Variants in GALNT13 observed in about 807,000 individuals in gnomAD.
The protein encoded by GALNT13 is UDP-GalNAc:polypeptide N-acetylgalactosaminyltransferase 13.
In GALNT13, 28 loss-of-function variants were observed where a neutral mutation model predicts 64.2. The ratio of observed to expected loss-of-function variants is 0.44; its 90% CI spans 0.32 to 0.60. The LOEUF is 0.60. GALNT13 is among the 20% of genes least tolerant of loss of function. GALNT13 has a pLI of 0.05. For missense variants in GALNT13, 577 were observed against 669.8 expected, an observed-to-expected ratio of 0.86 and a Z score of 1.53; for synonymous variants, 214 against 224.6, an observed-to-expected ratio of 0.95 and a Z score of 0.42.
At chr2:153,502,480 A>T in the GALNT13 span, among the ~76,000 whole-genome samples, 3 of 151,752 alleles carry the variant, frequency 2.0e-5, no homozygotes, top group Non-Finnish European at 4.4e-5. Flanking sequence ...TTCTTTATCC[A>T]CTCATTGATT....
chr2:153,614,857 A>G, the GALNT13 span, among the ~76,000 whole-genome samples: 1 of 152,082 alleles, frequency 6.6e-6, no homozygotes, highest in Non-Finnish European at 1.5e-5. Context: ...CCATCCCCTC[A>G]AGCACTTATC....
chr2:153,687,268 G>A, the GALNT13 span, among the ~76,000 whole-genome samples: 1 of 151,842 alleles, frequency 6.6e-6, no homozygotes, highest in South Asian at 2.1e-4. Flanking sequence ...AATCCATCTG[G>A]CCCTGGGCTT....
intron 9 of GALNT13, among the ~76,000 whole-genome samples, chr2:154,311,425 G>A (rs1474750470): frequency 6.6e-6 from 1 of 152,086 alleles, no homozygotes. Context: ...AAACCAGCAA[G>A]TTTTTATTAG....
At chr2:153,142,111 C>T in the GALNT13 span, among the ~76,000 whole-genome samples, 4 of 152,040 alleles carry the variant, frequency 2.6e-5, no homozygotes, top group Admixed American at 6.6e-5. Context: ...CCTAAACTAT[C>T]GGTCTTTATG....
At chr2:153,854,698 A>T in the GALNT13 span, among the ~76,000 whole-genome samples, 11 of 152,286 alleles carry the variant, frequency 7.2e-5, no homozygotes, top group East Asian at 1.4e-3. Flanking sequence ...AACATATACT[A>T]TGTTATGTTA....
chr2:154,082,887 T>C (rs1251533831), intron 3 of GALNT13, among the ~76,000 whole-genome samples: 2 of 152,062 alleles, frequency 1.3e-5, no homozygotes, highest in Non-Finnish European at 2.9e-5. Flanking sequence ...TGATAGTTTC[T>C]TTTGCTGTGC....
chr2:153,579,593 C>T, the GALNT13 span, among the ~76,000 whole-genome samples: 2 of 152,096 alleles, frequency 1.3e-5, no homozygotes, highest in Admixed American at 6.6e-5. Context: ...GAGAAAATAG[C>T]ATGAATGTTT....
At chr2:153,951,318 T>C (rs1202792330) in intron 3 of GALNT13, among the ~76,000 whole-genome samples, 1 of 152,136 alleles carries the variant, frequency 6.6e-6, no homozygotes, top group East Asian at 1.9e-4. Context: ...ATAAGAGTTG[T>C]GTCACAGAAA....
the GALNT13 span, among the ~76,000 whole-genome samples, chr2:153,625,893 T>C: frequency 3.3e-5 from 5 of 152,026 alleles, no homozygotes; most frequent in Non-Finnish European, 5.9e-5. Flanking sequence ...AAGTGAGAAA[T>C]GTTATTGTTC....
intron 11 of GALNT13, among the ~76,000 whole-genome samples, chr2:154,421,774 A>C (rs1700264579): frequency 1.3e-5 from 2 of 152,108 alleles, no homozygotes; most frequent in African/African-American, 4.8e-5. Flanking sequence ...CATCATATAT[A>C]ATTATACATG....
At chr2:153,499,809 T>C in the GALNT13 span, among the ~76,000 whole-genome samples, 1 of 152,190 alleles carries the variant, frequency 6.6e-6, no homozygotes, top group Non-Finnish European at 1.5e-5. Flanking sequence ...GGCCAGGCAG[T>C]GGGAGCAGGC....
chr2:153,392,155 T>A, the GALNT13 span, among the ~76,000 whole-genome samples: 1 of 150,014 alleles, frequency 6.7e-6, no homozygotes, highest in African/African-American at 2.4e-5. Context: ...ACATTTTATA[T>A]TTTACCATAA....
the GALNT13 span, among the ~76,000 whole-genome samples, chr2:153,283,588 G>C: frequency 6.6e-6 from 1 of 152,102 alleles, no homozygotes; most frequent in African/African-American, 2.4e-5. Context: ...GCTAGGGCAT[G>C]GAGTGGAGAG....
At chr2:153,127,146 G>C in the GALNT13 span, among the ~76,000 whole-genome samples, 1 of 146,444 alleles carries the variant, frequency 6.8e-6, no homozygotes, top group African/African-American at 2.5e-5. Context: ...ATGGAGTATT[G>C]AGTGCATTTT....
intron 4 of GALNT13, among the ~76,000 whole-genome samples, chr2:154,144,917 A>T (rs1683477803): frequency 6.6e-6 from 1 of 151,402 alleles, no homozygotes; most frequent in South Asian, 2.1e-4. Context: ...TGTAATCCTA[A>T]TTTTTTTGAT....
At chr2:153,637,777 T>C in the GALNT13 span, among the ~76,000 whole-genome samples, 1 of 152,180 alleles carries the variant, frequency 6.6e-6, no homozygotes, top group East Asian at 1.9e-4. Context: ...AATAACCATA[T>C]GTAATTAGGT....
chr2:153,435,204 A>G, the GALNT13 span, among the ~76,000 whole-genome samples: 3 of 152,120 alleles, frequency 2.0e-5, no homozygotes, highest in African/African-American at 4.8e-5. Flanking sequence ...CTTTGGTACC[A>G]GTACCATGCT....
the GALNT13 span, among the ~76,000 whole-genome samples, chr2:153,567,016 T>C: frequency 2.0e-5 from 3 of 152,196 alleles, no homozygotes; most frequent in African/African-American, 7.2e-5. Flanking sequence ...TAACATAAAC[T>C]ATTGACATAT....
At chr2:153,632,104 C>T in the GALNT13 span, among the ~76,000 whole-genome samples, 2 of 152,174 alleles carry the variant, frequency 1.3e-5, no homozygotes, top group Non-Finnish European at 2.9e-5. Flanking sequence ...CCAAGTCCCT[C>T]TTACTGATAT....
Sources: gnomAD v4.1 joint callset for allele counts (sites outside exome capture counted in the v4.1 genomes callset) on GRCh38, gnomAD v4.1.1 for gene constraint, MANE v1.5 for transcripts, NCBI Gene and HGNC (gene_info 2026-07-23, HGNC 2026-07-21) for gene names.